The following EYS variants were observed in gnomAD, a reference collection of about 807,000 sequenced individuals.
EYS encodes protein eyes shut homolog.
In EYS, 250 loss-of-function variants were observed where a neutral mutation model predicts 282.1. The observed-to-expected ratio is 0.89, with a 90% confidence interval of 0.80 to 0.98. EYS has a LOEUF of 0.98. Ranked by LOEUF, EYS falls within the 50% of genes least tolerant of loss-of-function variation. The probability of loss-of-function intolerance (pLI) is 0.00; values close to 1 mark genes in which losing one functional copy is unlikely to be tolerated. For missense variants in EYS, 4,016 were observed against 3,709.0 expected (o/e 1.08, Z -2.15); for synonymous variants, 1,355 against 1,282.9 (o/e 1.06, Z -1.20).
chr6:64,181,042 G>T (rs1483776003), intron 31 of EYS, among the ~76,000 whole-genome samples: 1 of 152,098 alleles, frequency 6.6e-6, no homozygotes, highest in African/African-American at 2.4e-5. Flanking sequence ...TTGAAAGTGA[G>T]AACATGCTGT....
chr6:65,529,810 T>G (rs1311929419), intron 2 of EYS, among the ~76,000 whole-genome samples: 1 of 152,138 alleles, frequency 6.6e-6, no homozygotes, highest in African/African-American at 2.4e-5. Flanking sequence ...TCCCTTGCTC[T>G]TTCCATCATG....
At chr6:65,177,300 A>C (rs1200163532) in intron 12 of EYS, among the ~76,000 whole-genome samples, 2 of 151,872 alleles carry the variant, frequency 1.3e-5, no homozygotes, top group Non-Finnish European at 1.5e-5. Flanking sequence ...GCCACTAGAA[A>C]TAATTTGCGA....
chr6:64,829,574 C>T (rs929555816), intron 19 of EYS, among the ~76,000 whole-genome samples: 5 of 151,926 alleles, frequency 3.3e-5, no homozygotes, highest in Admixed American at 1.3e-4. Flanking sequence ...TACAACAAAG[C>T]ATAGTAGCAA....
chr6:65,431,714 A>G (rs1014196504), intron 5 of EYS, among the ~76,000 whole-genome samples: 4 of 152,114 alleles, frequency 2.6e-5, no homozygotes, highest in African/African-American at 9.7e-5. Context: ...TCTGTGTCAC[A>G]TTATCTCTAA....
At chr6:64,794,695 C>T (rs1006380333) in intron 22 of EYS, among the ~76,000 whole-genome samples, 3 of 152,148 alleles carry the variant, frequency 2.0e-5, no homozygotes, top group African/African-American at 7.2e-5. Context: ...GTGGCATATA[C>T]ATACATATTC....
intron 33 of EYS, among the ~76,000 whole-genome samples, chr6:64,065,853 T>C (rs1771345742): frequency 6.6e-6 from 1 of 152,154 alleles, no homozygotes. Flanking sequence ...TCCACCAAAT[T>C]ATAAAAATAA....
At chr6:64,849,886 T>G (rs541006204) in intron 19 of EYS, among the ~76,000 whole-genome samples, 51 of 151,186 alleles carry the variant, frequency 3.4e-4, no homozygotes, top group African/African-American at 1.2e-3. Flanking sequence ...GGTATGTGAT[T>G]AGATTAGGCC....
chr6:65,094,317 GAAAA>G (rs35028634), intron 12 of EYS, among the ~76,000 whole-genome samples: 1 of 73,810 alleles, frequency 1.4e-5, no homozygotes, highest in Non-Finnish European at 2.6e-5. Flanking sequence ...ATATCTTAAC[GAAAA>G]AAAAAAAAAA....
At chr6:64,660,489 G>A (rs891757539) in intron 22 of EYS, among the ~76,000 whole-genome samples, 9 of 151,030 alleles carry the variant, frequency 6.0e-5, no homozygotes, top group East Asian at 3.9e-4. Flanking sequence ...TAGAAAACCC[G>A]ATCATCTCAG....
At chr6:65,259,033 C>A (rs1204461222) in intron 12 of EYS, among the ~76,000 whole-genome samples, 3 of 151,984 alleles carry the variant, frequency 2.0e-5, no homozygotes, top group African/African-American at 7.2e-5. Context: ...ATTTCCAGAT[C>A]TACGCAAGAT....
At chr6:64,318,276 T>C (rs1323375749) in intron 29 of EYS, among the ~76,000 whole-genome samples, 1 of 152,054 alleles carries the variant, frequency 6.6e-6, no homozygotes, top group Non-Finnish European at 1.5e-5. Flanking sequence ...ACCTCCATAT[T>C]AGTATTACAA....
chr6:63,741,957 A>G, intron 41 of EYS: 1 of 702,386 alleles, frequency 1.4e-6, no homozygotes, highest in Non-Finnish European at 2.6e-6. Flanking sequence ...CTTTTCCAAG[A>G]TCACAATGAG....
At chr6:65,314,560 T>C (rs969171084) in intron 11 of EYS, among the ~76,000 whole-genome samples, 5 of 87,490 alleles carry the variant, frequency 5.7e-5, no homozygotes, top group African/African-American at 2.5e-4. Context: ...CTTCCCCTTA[T>C]GGTGTGTGTG....
At position 64,591,218 on chromosome 6, in the gene EYS, C is replaced by T. The variant is rs891977486; in HGVS notation, c.4649G>A (p.Arg1550Lys). The change falls in exon 26 of 43, where the codon AGA becomes AAA. Residue 1550 changes from arginine (R) to lysine (K), a missense_variant. Transcript: ENST00000503581. ...TGTTGCACATGTTTGGCTTAATTCT[C>T]TTAAAGAATCAGCAGCCTGTGATTT... is the stretch of plus-strand genomic sequence containing the variant. Reference protein sequence around the residue: ...NIKSQAADSLRELSQTCATCS... With the variant: ...NIKSQAADSLKELSQTCATCS... The T allele has an allele frequency of 4.5e-6, 7 of 1,551,258 alleles. No homozygotes were observed. The African/African-American group carries it at 5.5e-5, about 12-fold the overall frequency.
Position 64,981,189 on chromosome 6 carries a change from C to T in EYS, c.2259+16393G>A, listed in dbSNP as rs138074192. Among the ~76,000 whole-genome samples the T allele has an allele frequency of 1.1e-3, 170 of 151,378 alleles. 1 individual carries two copies. The highest frequency in any genetic ancestry group is 4.0e-3 in the African/African-American group (166 of 41,426). ...TATAGATTCAAAGATAAATAATAAA[C>T]ATTCCTGGCTTTCAAGAACTGACAT... On this transcript the variant is annotated intron_variant, in intron 14 of 42. Transcript: ENST00000503581.
intron 12 of EYS, among the ~76,000 whole-genome samples, chr6:65,091,288 A>C (rs1053781246): frequency 6.7e-6 from 1 of 149,512 alleles, no homozygotes; most frequent in Non-Finnish European, 1.5e-5. Flanking sequence ...AAAAAAAAAA[A>C]AAAAAAAACA....
Position 65,353,447 on chromosome 6 carries a change from A to T in EYS, c.1459+11T>A. The stretch of plus-strand genomic sequence containing the variant: ...TCAAGCAGATTGAAAAAAATTACAT[A>T]AATTTGTTACCTGCAAATCCCAATT... On this transcript the variant is annotated intron_variant, in intron 9 of 42. Coordinates refer to ENST00000503581, the MANE Select transcript of EYS (RefSeq NM_001142800.2). 1 of 1,612,242 alleles carries T rather than the reference A, an allele frequency of 6.2e-7. No homozygotes were observed. The highest frequency in any genetic ancestry group is 8.5e-7 in the Non-Finnish European group (1 of 1,178,724).
At chr6:63,887,449 G>A (rs1260687165) in intron 35 of EYS, among the ~76,000 whole-genome samples, 1 of 151,034 alleles carries the variant, frequency 6.6e-6, no homozygotes, top group Non-Finnish European at 1.5e-5. Context: ...ATTTCCAACT[G>A]AGGTAACCAG....
At position 64,076,790 on chromosome 6, in the gene EYS, T is replaced by C. The variant is rs576059020; in HGVS notation, c.6571+5066A>G. ...GTGTAAAAACAGGCTAATACAGAGG[T>C]GTTTGCTATTTGGTGAGGAGATGTA... On this transcript the variant is annotated intron_variant, in intron 32 of 42. Transcript: ENST00000503581. 4.0e-5 allele frequency among the ~76,000 whole-genome samples: 6 copies of C among 151,898 alleles called. No individual in the cohort carries two copies. The East Asian group carries it at 1.2e-3, about 29-fold the overall frequency.
Sources: allele counts gnomAD v4.1 joint callset (sites outside exome capture counted in the v4.1 genomes callset), GRCh38; gene constraint gnomAD v4.1.1; transcripts MANE v1.5; gene names NCBI Gene and HGNC (gene_info 2026-07-23, HGNC 2026-07-21).